UTS2B: variants seen among roughly 807,000 people sequenced by gnomAD.
UTS2B encodes the protein urotensin 2B, also known as urotensin-2B.
Under a neutral mutation model 19.2 loss-of-function variants are expected in UTS2B, and 21 were observed. The observed-to-expected ratio is 1.09, with a 90% CI of 0.78 to 1.58. The LOEUF (loss-of-function observed/expected upper bound fraction) is 1.58. Ranked by LOEUF, UTS2B falls within the 40% of genes most tolerant of loss-of-function variation. UTS2B has a pLI of 0.00. For missense variants in UTS2B, 138 were observed against 130.3 expected, an observed-to-expected ratio of 1.06 and a Z score of -0.29; for synonymous variants, 57 against 50.2, an observed-to-expected ratio of 1.14 and a Z score of -0.58.
At chr3:191,289,627 G>A (rs912743591) in intron 4 of UTS2B, among the ~76,000 whole-genome samples, 1 of 151,942 alleles carries the variant, frequency 6.6e-6, no homozygotes, top group Non-Finnish European at 1.5e-5. Context: ...CCTCTCATTT[G>A]TGATAAAATA....
At chr3:191,323,144 A>ATTTT (rs111942414) in intron 2 of UTS2B, among the ~76,000 whole-genome samples, 893 of 87,328 alleles carry the variant, frequency 0.01, 6 homozygotes, top group Middle Eastern at 0.021. Flanking sequence ...ATTTTATTTT[A>ATTTT]TTTTATTTAT....
intron 4 of UTS2B, among the ~76,000 whole-genome samples, chr3:191,300,177 G>A (rs1716958143): frequency 6.6e-6 from 1 of 152,006 alleles, no homozygotes; most frequent in African/African-American, 2.4e-5. Flanking sequence ...AGCCTCCCGA[G>A]TGGCTGGGAT....
chr3:191,329,678 G>A, intron 1 of UTS2B: 1 of 1,609,816 alleles, frequency 6.2e-7, no homozygotes, highest in Non-Finnish European at 8.5e-7. Context: ...GCCCGGTATG[G>A]CTGAAGTCAG....
intron 2 of UTS2B, among the ~76,000 whole-genome samples, 184 bp from the exon 3 acceptor site, chr3:191,316,623 G>T (rs1270576330): frequency 6.6e-6 from 1 of 152,182 alleles, no homozygotes; most frequent in Non-Finnish European, 1.5e-5. Context: ...TTTTGACAGG[G>T]TACCGATTCG....
chr3:191,286,436 GGT>G (rs1716545962), intron 4 of UTS2B, among the ~76,000 whole-genome samples: 1 of 151,896 alleles, frequency 6.6e-6, no homozygotes, highest in East Asian at 1.9e-4. Context: ...CAACTGCAAT[GGT>G]ATGACACTAG....
intron 4 of UTS2B, among the ~76,000 whole-genome samples, chr3:191,289,525 A>G (rs1373368550): frequency 6.6e-6 from 1 of 152,070 alleles, no homozygotes; most frequent in Non-Finnish European, 1.5e-5. Flanking sequence ...GTGATATTGA[A>G]TCAAGCTATG....
At chr3:191,319,703 C>A (rs896174082) in intron 2 of UTS2B, among the ~76,000 whole-genome samples, 86 of 134,804 alleles carry the variant, frequency 6.4e-4, no homozygotes, top group Non-Finnish European at 7.4e-4. Flanking sequence ...GCTAAAAATA[C>A]AAAAAAAAAA....
At chr3:191,293,983 C>T (rs1409126904) in intron 4 of UTS2B, among the ~76,000 whole-genome samples, 2 of 151,746 alleles carry the variant, frequency 1.3e-5, no homozygotes, top group South Asian at 2.1e-4. Flanking sequence ...TGACACACGC[C>T]TGTAATCCCA....
intron 4 of UTS2B, among the ~76,000 whole-genome samples, chr3:191,302,650 T>C (rs1290642860): frequency 1.3e-5 from 2 of 152,208 alleles, no homozygotes; most frequent in Non-Finnish European, 2.9e-5. Context: ...TTAACTACTA[T>C]AACAACATAA....
chr3:191,321,368 A>T (rs1717606651), intron 2 of UTS2B, among the ~76,000 whole-genome samples: 1 of 152,262 alleles, frequency 6.6e-6, no homozygotes, highest in African/African-American at 2.4e-5. Flanking sequence ...GATTAATAAT[A>T]GGAACTCTAA....
upstream of UTS2B, among the ~76,000 whole-genome samples, chr3:191,331,750 C>A (rs1717993737): frequency 6.6e-6 from 1 of 152,044 alleles, no homozygotes; most frequent in East Asian, 1.9e-4. Context: ...TGTATCCTTC[C>A]CTAATATAAC....
At chr3:191,275,108 T>A (rs1233469990) in intron 8 of UTS2B, 144 bp downstream of exon 8, 3 of 554,856 alleles carry the variant, frequency 5.4e-6, no homozygotes, top group Non-Finnish European at 9.4e-6. Flanking sequence ...ACACTTTTAT[T>A]GGAATATATT....
chr3:191,298,481 T>C (rs12631157), intron 4 of UTS2B, among the ~76,000 whole-genome samples: 99,902 of 152,070 alleles, frequency 0.66, 32,818 homozygotes, highest in African/African-American at 0.67. Context: ...TAAGATGTGC[T>C]TGCTTTCCCT....
intron 3 of UTS2B, among the ~76,000 whole-genome samples, chr3:191,314,120 G>A (rs1469120088): frequency 1.3e-5 from 2 of 152,122 alleles, no homozygotes; most frequent in East Asian, 3.9e-4. Flanking sequence ...GACTCATCTT[G>A]AATTCCCTTC....
At chr3:191,312,087 G>A in intron 3 of UTS2B, among the ~76,000 whole-genome samples, 1 of 151,934 alleles carries the variant, frequency 6.6e-6, no homozygotes, top group Non-Finnish European at 1.5e-5. Flanking sequence ...GAGAGGTGGA[G>A]GTTGCAGCGA....
chr3:191,308,724 C>T (rs943821473), intron 3 of UTS2B, among the ~76,000 whole-genome samples: 1 of 152,110 alleles, frequency 6.6e-6, no homozygotes, highest in Non-Finnish European at 1.5e-5. Flanking sequence ...AGAACCATTG[C>T]TTTAGATGGA....
chr3:191,319,975 C>T (rs1306393972), intron 2 of UTS2B, among the ~76,000 whole-genome samples: 1 of 151,210 alleles, frequency 6.6e-6, no homozygotes. Context: ...TTATCAAATG[C>T]TTTATCCAGC....
chr3:191,317,106 G>C (rs1284420270), intron 2 of UTS2B, among the ~76,000 whole-genome samples: 1 of 152,240 alleles, frequency 6.6e-6, no homozygotes, highest in East Asian at 1.9e-4. Context: ...GAGCCCATGG[G>C]GGTGGGGGCT....
chr3:191,285,644 G>A (rs989594290), intron 4 of UTS2B, among the ~76,000 whole-genome samples: 10 of 152,124 alleles, frequency 6.6e-5, no homozygotes, highest in African/African-American at 2.2e-4. Flanking sequence ...GCTTACGCCT[G>A]TAATCTCAGC....
Sources: allele counts gnomAD v4.1 joint callset (sites outside exome capture counted in the v4.1 genomes callset), GRCh38; gene constraint gnomAD v4.1.1; transcripts MANE v1.5; gene names NCBI Gene and HGNC (gene_info 2026-07-23, HGNC 2026-07-21).